RASAL2: variants seen among roughly 807,000 people sequenced by gnomAD.
The protein encoded by RASAL2 is RAS protein activator like 2.
Under a neutral mutation model 128.9 loss-of-function variants are expected in RASAL2, and 58 were observed. That is an observed-to-expected ratio of 0.45 (90% CI 0.36 to 0.56). The LOEUF is 0.56. Ranked by LOEUF, RASAL2 falls within the 20% of genes least tolerant of loss-of-function variation. The pLI, the probability that RASAL2 is intolerant of heterozygous loss-of-function variation, is 0.00. For missense variants in RASAL2, 1,360 were observed against 1,601.6 expected, an observed-to-expected ratio of 0.85 and a Z score of 2.57; for synonymous variants, 561 against 580.8, an observed-to-expected ratio of 0.97 and a Z score of 0.49.
At chr1:178,135,627 T>C (rs1183871351) in intron 1 of RASAL2, among the ~76,000 whole-genome samples, 1 of 151,574 alleles carries the variant, frequency 6.6e-6, no homozygotes, top group Non-Finnish European at 1.5e-5. Context: ...AGAAAAGAAA[T>C]AGCATTTTAC....
intron 3 of RASAL2, among the ~76,000 whole-genome samples, chr1:178,361,103 G>C (rs1271679731): frequency 6.6e-6 from 1 of 152,160 alleles, no homozygotes; most frequent in Non-Finnish European, 1.5e-5. Context: ...TAATGTTAAT[G>C]AATTTCTGAG....
At chr1:178,334,355 T>A (rs1431012174) in intron 3 of RASAL2, among the ~76,000 whole-genome samples, 1 of 151,904 alleles carries the variant, frequency 6.6e-6, no homozygotes, top group Non-Finnish European at 1.5e-5. Flanking sequence ...TTTTTTTTTT[T>A]GAGATGGAGT....
Position 178,317,967 on chromosome 1 carries a change from C to T in RASAL2, c.457+17849C>T, listed in dbSNP as rs1156674921. On this transcript the variant is annotated intron_variant, in intron 3 of 17. Transcript: ENST00000367649. ...TTCCCTCTACACACTGCTTTGAATGCGTCCCAGAGATTCTGGTATGTTGTG... is the reference window on the plus strand; with the variant it reads ...TTCCCTCTACACACTGCTTTGAATGTGTCCCAGAGATTCTGGTATGTTGTG... 3.5e-3 allele frequency among the ~76,000 whole-genome samples: 522 copies of T among 150,532 alleles called. 3 individuals carry two copies. The highest frequency in any genetic ancestry group is 0.012 in the African/African-American group (493 of 41,080).
At chr1:178,416,198 TCTC>T (rs1188934842) in intron 4 of RASAL2, among the ~76,000 whole-genome samples, 1 of 152,134 alleles carries the variant, frequency 6.6e-6, no homozygotes, top group Non-Finnish European at 1.5e-5. Flanking sequence ...TTCCATTTTC[TCTC>T]CTTTCTTAGC....
chr1:178,120,632 G>T (rs1306403001), intron 1 of RASAL2, among the ~76,000 whole-genome samples: 2 of 152,182 alleles, frequency 1.3e-5, no homozygotes, highest in African/African-American at 2.4e-5. Context: ...ATAGGGTTTT[G>T]ATATGAGTCT....
At chr1:178,101,236 A>G (rs1658885744) in intron 1 of RASAL2, among the ~76,000 whole-genome samples, 1 of 152,180 alleles carries the variant, frequency 6.6e-6, no homozygotes, top group Non-Finnish European at 1.5e-5. Flanking sequence ...GCATAAAAAC[A>G]TTTCATTTGC....
intron 1 of RASAL2, among the ~76,000 whole-genome samples, chr1:178,254,816 A>T (rs1482138341): frequency 6.6e-6 from 1 of 152,212 alleles, no homozygotes; most frequent in African/African-American, 2.4e-5. Context: ...CACAGCCAGA[A>T]AGCTCAGTGA....
intron 1 of RASAL2, among the ~76,000 whole-genome samples, chr1:178,142,910 G>A (rs184469999): frequency 1.3e-5 from 2 of 151,926 alleles, no homozygotes; most frequent in African/African-American, 4.8e-5. Flanking sequence ...CTGAGATTTG[G>A]GCATGTGGGT....
chr1:178,337,346 G>T (rs958043650), intron 3 of RASAL2, among the ~76,000 whole-genome samples: 2 of 152,168 alleles, frequency 1.3e-5, no homozygotes, highest in Non-Finnish European at 2.9e-5. Context: ...ATACAAAAAT[G>T]AAATTAAATA....
intron 1 of RASAL2, among the ~76,000 whole-genome samples, chr1:178,117,602 G>A (rs1571498183): frequency 6.6e-6 from 1 of 152,078 alleles, no homozygotes; most frequent in Non-Finnish European, 1.5e-5. Flanking sequence ...CAGTCACAAG[G>A]GTGACTTAAT....
At chr1:178,416,774 T>C (rs1557972401) in intron 4 of RASAL2, among the ~76,000 whole-genome samples, 2 of 152,188 alleles carry the variant, frequency 1.3e-5, no homozygotes, top group East Asian at 3.9e-4. Flanking sequence ...TTTTTTCCTC[T>C]CAACACTTTA....
chr1:178,390,978 A>G lies in RASAL2; in HGVS notation c.564+772A>G, dbSNP rs539634953. 4.8e-4 allele frequency among the ~76,000 whole-genome samples: 73 copies of G among 152,324 alleles called. 4 individuals are homozygous for G. The South Asian group carries it at 0.015, about 31-fold the overall frequency. On this transcript the variant is annotated intron_variant, in intron 4 of 17. Transcript: ENST00000367649. Reference sequence around the variant, plus strand: ...GCAGACTAAATTCACAGAGAATTAGACAATTGTGAATTCTAATCCTAAGAC... The same window carrying G: ...GCAGACTAAATTCACAGAGAATTAGGCAATTGTGAATTCTAATCCTAAGAC...
rs950214398 is a variant in RASAL2, at chr1:178,114,277, G to T, written c.202+19583G>T. Among the ~76,000 whole-genome samples the T allele has an allele frequency of 9.2e-5, 14 of 152,112 alleles. 1 individual carries two copies. The highest frequency in any genetic ancestry group is 8.5e-4 in the Admixed American group (13 of 15,260). ...TCAACCTGATCGTAGGTAAAAAGCA[G>T]TCAGTCTTTTGCCATTTAAGTATGA... On this transcript the variant is annotated intron_variant, in intron 1 of 17. Coordinates refer to ENST00000367649, the MANE Select transcript of RASAL2 (RefSeq NM_170692.4).
intron 5 of RASAL2, among the ~76,000 whole-genome samples, chr1:178,437,103 C>T (rs2102820609): frequency 6.6e-6 from 1 of 152,228 alleles, no homozygotes; most frequent in South Asian, 2.1e-4. Context: ...AGCACCATGG[C>T]AACAGACCCA....
intron 17 of RASAL2, among the ~76,000 whole-genome samples, chr1:178,470,093 A>G (rs758199521): frequency 6.6e-6 from 1 of 152,238 alleles, no homozygotes; most frequent in Non-Finnish European, 1.5e-5. Flanking sequence ...CTTTGTAATG[A>G]ATGACTTTTG....
Position 178,254,013 on chromosome 1 carries a change from G to A in RASAL2, c.203-29551G>A, listed in dbSNP as rs1184532836. Reference sequence around the variant, plus strand: ...TGGTTGTCCATTCTTTTTGAAATTAGGCTTAAAATTTATAACACACTCTGG... The same window carrying A: ...TGGTTGTCCATTCTTTTTGAAATTAAGCTTAAAATTTATAACACACTCTGG... On this transcript the variant is annotated intron_variant, in intron 1 of 17. Coordinates refer to ENST00000367649, the MANE Select transcript of RASAL2 (RefSeq NM_170692.4). 2.6e-5 allele frequency among the ~76,000 whole-genome samples: 4 copies of A among 152,194 alleles called. No homozygotes were observed. The Middle Eastern group carries it at 0.014, about 518-fold the overall frequency.
chr1:178,340,470 AATATGACTGATTTT>A (rs1269490632), intron 3 of RASAL2, among the ~76,000 whole-genome samples: 1 of 152,206 alleles, frequency 6.6e-6, no homozygotes, highest in East Asian at 1.9e-4. Flanking sequence ...AAACCCTAGA[AATATGACTGATTTT>A]AAAACAAACT....
chr1:178,294,616 T>G (rs752393064), intron 2 of RASAL2, among the ~76,000 whole-genome samples: 9 of 152,216 alleles, frequency 5.9e-5, no homozygotes, highest in Middle Eastern at 3.2e-3. Flanking sequence ...TCTATCTGTC[T>G]GTCCATCTAT....
chr1:178,395,783 ATATATATATT>A (rs1325405046), intron 4 of RASAL2, among the ~76,000 whole-genome samples: 3 of 146,858 alleles, frequency 2.0e-5, no homozygotes, highest in African/African-American at 7.7e-5. Context: ...ATATATATAT[ATATATATATT>A]TATTTATTCA....
Sources: gnomAD v4.1 joint callset for allele counts (sites outside exome capture counted in the v4.1 genomes callset) on GRCh38, gnomAD v4.1.1 for gene constraint, MANE v1.5 for transcripts, NCBI Gene and HGNC (gene_info 2026-07-23, HGNC 2026-07-21) for gene names.